Variants in CDH1 observed in about 807,000 individuals in gnomAD.
The protein encoded by CDH1 is cadherin-1.
Under a neutral mutation model 84.5 loss-of-function variants are expected in CDH1, and 35 were observed. That is an observed-to-expected ratio of 0.41 (90% CI 0.32 to 0.55). The LOEUF (loss-of-function observed/expected upper bound fraction) is 0.55, where lower values mean the gene tolerates loss of function less well. CDH1 is among the 20% of genes least tolerant of loss of function. CDH1 has a pLI of 0.19. For missense variants in CDH1, 994 were observed against 1,126.6 expected (o/e 0.88, Z 1.68); for synonymous variants, 417 against 439.0 (o/e 0.95, Z 0.63).
Position 68,751,590 on chromosome 16 carries a change from C to T in CDH1, c.163+13179C>T, listed in dbSNP as rs191371260. ...CAATCTCGGCTCACTGCAACCTCTG[C>T]CTCCTGGGTTCAAGCAGTTCTCCTG... is the stretch of plus-strand genomic sequence containing the variant. On this transcript the variant is annotated intron_variant, in intron 2 of 15. Coordinates refer to ENST00000261769, the MANE Select transcript of CDH1 (RefSeq NM_004360.5). Among the ~76,000 whole-genome samples, 18 of 151,932 alleles carry T rather than the reference C, an allele frequency of 1.2e-4. No individual in the cohort carries two copies. The East Asian group carries it at 3.3e-3, about 28-fold the overall frequency.
rs876660704 is a variant in CDH1, at chr16:68,829,759, C to G, written c.2401C>G (p.Pro801Ala). ...GAGTGTCCCCCGGTATCTTCCCCGC[C>G]CTGCCAATCCCGATGAAATTGGAAA... is the stretch of plus-strand genomic sequence containing the variant. ...LMSVPRYLPR[P>A]ANPDEIGNFI... is the part of the protein sequence containing the mutation. The change falls in exon 15 of 16, where the codon CCT becomes GCT. Residue 801 changes from proline to alanine, a missense_variant. Physicochemically the swap from Pro to Ala is conservative, Grantham distance 27 (BLOSUM62 -1). Transcript: ENST00000261769. 4 of 1,614,094 alleles carry G rather than the reference C, an allele frequency of 2.5e-6. No homozygotes were observed. The Admixed American group carries it at 5.0e-5, about 20-fold the overall frequency.
chr16:68,799,407 T>C (rs1049996857), intron 2 of CDH1, among the ~76,000 whole-genome samples: 2 of 152,220 alleles, frequency 1.3e-5, no homozygotes, highest in African/African-American at 4.8e-5. Context: ...TCCCTTCGTA[T>C]GAACGAGCTC....
At chr16:68,741,922 T>C (rs991519994) in intron 2 of CDH1, among the ~76,000 whole-genome samples, 4 of 152,182 alleles carry the variant, frequency 2.6e-5, no homozygotes, top group African/African-American at 9.7e-5. Context: ...CCGCCTGCCT[T>C]GGCCTCCCAA....
At chr16:68,829,521 A>G (rs1476725707) in intron 14 of CDH1, 133 bp from the exon 15 acceptor site, 62 of 926,956 alleles carry the variant, frequency 6.7e-5, no homozygotes, top group South Asian at 5.3e-4. Flanking sequence ...GTCATTTTGC[A>G]TTAAACTGGT....
At chr16:68,753,733 G>T (rs1962946188) in intron 2 of CDH1, among the ~76,000 whole-genome samples, 1 of 152,086 alleles carries the variant, frequency 6.6e-6, no homozygotes, top group South Asian at 2.1e-4. Flanking sequence ...AACAATACAG[G>T]ACTATCAGTT....
Position 68,748,839 on chromosome 16 carries a change from T to C in CDH1, c.163+10428T>C, listed in dbSNP as rs546519276. Among the ~76,000 whole-genome samples the C allele has an allele frequency of 5.9e-5, 9 of 152,304 alleles. No individual in the cohort carries two copies. The East Asian group carries it at 1.5e-3, about 26-fold the overall frequency. On this transcript the variant is annotated intron_variant, in intron 2 of 15. Coordinates refer to ENST00000261769, the MANE Select transcript of CDH1 (RefSeq NM_004360.5). Reference sequence around the variant, plus strand: ...TGTCTGAAGATAAAACAGTTTTTTTTGTTTTTGTTTTTGTTTTGAGACGGA... The same window carrying C: ...TGTCTGAAGATAAAACAGTTTTTTTCGTTTTTGTTTTTGTTTTGAGACGGA...
intron 2 of CDH1, among the ~76,000 whole-genome samples, chr16:68,771,621 G>T (rs553843261): frequency 6.6e-6 from 1 of 152,050 alleles, no homozygotes; most frequent in African/African-American, 2.4e-5. Context: ...GCGTGGTGGC[G>T]CATGCCTGTA....
chr16:68,778,030 C>A (rs1158735520), intron 2 of CDH1, among the ~76,000 whole-genome samples: 1 of 149,908 alleles, frequency 6.7e-6, no homozygotes, highest in Admixed American at 6.7e-5. Flanking sequence ...CCATGCCTGG[C>A]CAGAAATTGG....
chr16:68,746,338 C>A (rs961630853), intron 2 of CDH1, among the ~76,000 whole-genome samples: 3 of 151,738 alleles, frequency 2.0e-5, no homozygotes, highest in African/African-American at 7.3e-5. Context: ...GGCAGAAGAA[C>A]TGCTTGAACA....
intron 2 of CDH1, among the ~76,000 whole-genome samples, chr16:68,791,884 A>G (rs921013946): frequency 2.0e-5 from 3 of 152,040 alleles, no homozygotes; most frequent in East Asian, 1.9e-4. Context: ...CCTTGAAGCA[A>G]TCCCTCAAAG....
At chr16:68,765,580 T>C (rs1959352017) in intron 2 of CDH1, 1 of 152,178 alleles carries the variant, frequency 6.6e-6, no homozygotes, top group Non-Finnish European at 1.5e-5. Flanking sequence ...TAAGGCATTT[T>C]AGTTATTTGA....
intron 2 of CDH1, among the ~76,000 whole-genome samples, chr16:68,743,389 A>T (rs1048326623): frequency 7.5e-6 from 1 of 132,616 alleles, no homozygotes; most frequent in Non-Finnish European, 1.6e-5. Flanking sequence ...TTTGAGACGG[A>T]GTGTCACTCT....
chr16:68,769,193 G>C (rs1410978123), intron 2 of CDH1, among the ~76,000 whole-genome samples: 1 of 152,152 alleles, frequency 6.6e-6, no homozygotes, highest in Non-Finnish European at 1.5e-5. Flanking sequence ...CCAGCATAGA[G>C]GAGGTCCTCA....
At chr16:68,797,348 T>A (rs1399471287) in intron 2 of CDH1, among the ~76,000 whole-genome samples, 1 of 152,144 alleles carries the variant, frequency 6.6e-6, no homozygotes, top group Non-Finnish European at 1.5e-5. Context: ...TTTGTGCCAC[T>A]GCACTTTAGC....
At chr16:68,818,432 G>C (rs936038266) in intron 10 of CDH1, among the ~76,000 whole-genome samples, 2 of 151,734 alleles carry the variant, frequency 1.3e-5, no homozygotes, top group African/African-American at 4.8e-5. Context: ...GAGCAGATGT[G>C]GCAAAGTATT....
intron 2 of CDH1, among the ~76,000 whole-genome samples, chr16:68,767,737 A>G (rs964502821): frequency 6.6e-6 from 1 of 152,214 alleles, no homozygotes; most frequent in Non-Finnish European, 1.5e-5. Context: ...GCATAATTGC[A>G]TAATAGCTAT....
rs2152138096 is a variant in CDH1 at position 68,821,974 on chromosome 16, C to A, written c.1712-27C>A. 1 of 1,581,214 alleles carries A rather than the reference C, an allele frequency of 6.3e-7. No individual in the cohort carries two copies. ...GGGATTCATTACTGTTGCCAAGCTG[C>A]CACATTTTCTGTGTATTTTCTCTTA... On this transcript the variant is annotated intron_variant, in intron 11 of 15. Coordinates refer to ENST00000261769, the MANE Select transcript of CDH1 (RefSeq NM_004360.5).
At chr16:68,745,603 GTATGTGTATATATATATA>G (rs1470220244) in intron 2 of CDH1, among the ~76,000 whole-genome samples, 1 of 127,908 alleles carries the variant, frequency 7.8e-6, no homozygotes, top group Non-Finnish European at 1.5e-5. Flanking sequence ...GTATATATAT[GTATGTGTATATATATATA>G]TATATGTATA....
chr16:68,785,722 C>T (rs1463643819), intron 2 of CDH1, among the ~76,000 whole-genome samples: 1 of 151,352 alleles, frequency 6.6e-6, no homozygotes, highest in African/African-American at 2.4e-5. Flanking sequence ...GATCATTCCC[C>T]TGCAGAGCAT....
Sources: gnomAD v4.1 joint callset for allele counts (sites outside exome capture counted in the v4.1 genomes callset) on GRCh38, gnomAD v4.1.1 for gene constraint, MANE v1.5 for transcripts, NCBI Gene and HGNC (gene_info 2026-07-23, HGNC 2026-07-21) for gene names.